MAP2K5: variants seen among roughly 807,000 people sequenced by gnomAD.
MAP2K5 encodes the protein dual specificity mitogen-activated protein kinase kinase 5.
MAP2K5 carries 49 observed loss-of-function variants against 83.1 expected under a neutral mutation model. The ratio of observed to expected loss-of-function variants is 0.59; its 90% CI spans 0.47 to 0.75. The LOEUF (loss-of-function observed/expected upper bound fraction) is 0.75, where lower values mean the gene tolerates loss of function less well. Ranked by LOEUF, MAP2K5 falls within the 30% of genes least tolerant of loss-of-function variation. MAP2K5 has a pLI of 0.00. For missense variants in MAP2K5, 457 were observed against 557.5 expected (o/e 0.82, Z 1.82); for synonymous variants, 202 against 191.8 (o/e 1.05, Z -0.44).
In MAP2K5 at chr15:67,806,730, AG is replaced by A; in HGVS notation, c.1328del (p.Ser443ThrfsTer13). The A allele has an allele frequency of 1.3e-6, 2 of 1,553,278 alleles. No individual in the cohort carries two copies. The highest frequency in any genetic ancestry group is 1.7e-6 in the Non-Finnish European group (2 of 1,149,630). ...WVCRALEERR[S>X]QQGPP is the part of the protein sequence containing the mutation. ...GTGCCGGGCGCTGGAGGAGAGGCGG[AG>A]CCAGCAGGGGCCCCCGTGAGGCTGC... is the stretch of plus-strand genomic sequence containing the variant. On this transcript the variant is annotated frameshift_variant, in exon 22 of 22. Coordinates refer to ENST00000178640, the MANE Select transcript of MAP2K5 (RefSeq NM_145160.3). LOFTEE classifies it high-confidence loss of function.
chr15:67,716,617 CT>C lies in MAP2K5; in HGVS notation c.1045-11297del, dbSNP rs773651668. The stretch of plus-strand genomic sequence containing the variant: ...TTTTTAACCTAAAGGGAGACTTTAA[CT>C]TAAAGAGAGACTTCAGAGCTTGTTA... On this transcript the variant is annotated intron_variant, in intron 16 of 21. Coordinates refer to ENST00000178640, the MANE Select transcript of MAP2K5 (RefSeq NM_145160.3). Among the ~76,000 whole-genome samples, 12 of 152,226 alleles carry C rather than the reference CT, an allele frequency of 7.9e-5. No individual in the cohort carries two copies. The East Asian group carries it at 2.1e-3, about 27-fold the overall frequency.
At chr15:67,673,301 G>A (rs1325692442) in intron 13 of MAP2K5, among the ~76,000 whole-genome samples, 1 of 152,004 alleles carries the variant, frequency 6.6e-6, no homozygotes, top group African/African-American at 2.4e-5. Flanking sequence ...TTTTAAGGAA[G>A]GAATTTTGAA....
intron 16 of MAP2K5, among the ~76,000 whole-genome samples, chr15:67,715,664 G>C (rs2088814010): frequency 6.6e-6 from 1 of 152,140 alleles, no homozygotes; most frequent in Admixed American, 6.5e-5. Context: ...GCAAAGTCTT[G>C]ATATGAAGAA....
chr15:67,680,572 C>T (rs1247375559), intron 13 of MAP2K5, among the ~76,000 whole-genome samples: 1 of 152,092 alleles, frequency 6.6e-6, no homozygotes, highest in Non-Finnish European at 1.5e-5. Context: ...TTTTATTTAC[C>T]TAAAACCACC....
Position 67,758,119 on chromosome 15 carries a change from A to G in MAP2K5, c.1134+9518A>G, listed in dbSNP as rs988519922. ...TGAAAGAGTTTTAAGCAAGAGGTCA[A>G]CGTAGCCAGATTTGTGTTTTACACT... On this transcript the variant is annotated intron_variant, in intron 19 of 21. Transcript: ENST00000178640. This position sits in a 1 kb window ranked among gnomAD's most constrained non-coding sequence, Gnocchi z 4.7. Among the ~76,000 whole-genome samples, 6 of 152,176 alleles carry G rather than the reference A, an allele frequency of 3.9e-5. No homozygotes were observed. Among genetic ancestry groups the G allele is most frequent in the East Asian group, 1.9e-4 (1 of 5,202 alleles).
At chr15:67,730,322 G>A (rs1225444797) in intron 17 of MAP2K5, among the ~76,000 whole-genome samples, 2 of 152,164 alleles carry the variant, frequency 1.3e-5, no homozygotes, top group Non-Finnish European at 1.5e-5. Flanking sequence ...CCCACGTTAT[G>A]TCATTTGAAC....
At position 67,710,415 on chromosome 15, in the gene MAP2K5, T is replaced by G. The variant is rs148261370; in HGVS notation, c.1044+7007T>G. ...AAGCAAGGACCATGGCTTAGAAAAA[T>G]GTCTCAACATAGGTAAAGAACATAG... On this transcript the variant is annotated intron_variant, in intron 16 of 21. Transcript: ENST00000178640. Among the ~76,000 whole-genome samples, 17 of 151,400 alleles carry G rather than the reference T, an allele frequency of 1.1e-4. No individual in the cohort carries two copies. The East Asian group carries it at 3.3e-3, about 29-fold the overall frequency.
chr15:67,800,439 C>T (rs1284520787), intron 21 of MAP2K5, among the ~76,000 whole-genome samples: 1 of 152,156 alleles, frequency 6.6e-6, no homozygotes, highest in East Asian at 1.9e-4. Flanking sequence ...CTCATACCTA[C>T]ACACAGCTTA....
intron 8 of MAP2K5, among the ~76,000 whole-genome samples, chr15:67,616,638 CTT>C (rs1331191227): frequency 1.3e-5 from 2 of 152,138 alleles, no homozygotes; most frequent in Non-Finnish European, 2.9e-5. Context: ...ACATTTGTAA[CTT>C]TTATTTATTT....
intron 12 of MAP2K5, chr15:67,659,435 T>C (rs1282901210): frequency 6.6e-6 from 1 of 152,230 alleles, no homozygotes; most frequent in Non-Finnish European, 1.5e-5. Context: ...TGGACACTTA[T>C]TTAGTCTTAG....
Position 67,801,450 on chromosome 15 carries a change from G to A in MAP2K5, c.1243-5196G>A, listed in dbSNP as rs2090705375. Reference sequence around the variant, plus strand: ...AGGATGTGCTTGGTGCTCACCCTGAGGCAGAGCAGTCCTGTGGTCCAGAGA... The same window carrying A: ...AGGATGTGCTTGGTGCTCACCCTGAAGCAGAGCAGTCCTGTGGTCCAGAGA... On this transcript the variant is annotated intron_variant, in intron 21 of 21. Coordinates refer to ENST00000178640, the MANE Select transcript of MAP2K5 (RefSeq NM_145160.3). This position sits in a 1 kb window ranked among gnomAD's most constrained non-coding sequence, Gnocchi z 4.8. Among the ~76,000 whole-genome samples, 1 of 152,182 alleles carries A rather than the reference G, an allele frequency of 6.6e-6. No homozygotes were observed. Among genetic ancestry groups the A allele is most frequent in the Non-Finnish European group, 1.5e-5 (1 of 68,034 alleles).
rs2089639198 is a variant in MAP2K5 at position 67,747,937 on chromosome 15, A to C, written c.1075-294A>C. Among the ~76,000 whole-genome samples the C allele has an allele frequency of 6.6e-6, 1 of 152,248 alleles. No homozygotes were observed. On this transcript the variant is annotated intron_variant, in intron 17 of 21. Transcript: ENST00000178640. The surrounding 1 kb of genome is among the most constrained non-coding windows in gnomAD (Gnocchi z 4.1). The stretch of plus-strand genomic sequence containing the variant: ...TGTTCACAATCTAGCAATATAAAAC[A>C]TTATTTATATCTGAATCGTAAACAG...
chr15:67,627,441 A>G (rs997906972), intron 8 of MAP2K5, among the ~76,000 whole-genome samples: 2 of 152,342 alleles, frequency 1.3e-5, no homozygotes, highest in Middle Eastern at 3.4e-3. Flanking sequence ...AATAAAAGTT[A>G]AGTTTACCTT....
chr15:67,733,434 G>A (rs1461338690), intron 17 of MAP2K5, among the ~76,000 whole-genome samples: 1 of 152,132 alleles, frequency 6.6e-6, no homozygotes, highest in African/African-American at 2.4e-5. Flanking sequence ...GAATAGTGAT[G>A]TTATTTGTTA....
At chr15:67,610,177 A>T (rs2085885951) in intron 8 of MAP2K5, among the ~76,000 whole-genome samples, 2 of 152,182 alleles carry the variant, frequency 1.3e-5, no homozygotes, top group Admixed American at 1.3e-4. Context: ...TGGATGTAAG[A>T]TATAAAATTA....
chr15:67,676,659 G>A lies in MAP2K5; in HGVS notation c.847+12014G>A, dbSNP rs1032743186. On this transcript the variant is annotated intron_variant, in intron 13 of 21. Transcript: ENST00000178640. This position sits in a 1 kb window ranked among gnomAD's most constrained non-coding sequence, Gnocchi z 4.8. ...ATCATTTATTGAGTACCTTGTATGT[G>A]CTACAGTGTTAGCTCTCTTGTATGT... is the stretch of plus-strand genomic sequence containing the variant. Among the ~76,000 whole-genome samples, 2 of 152,140 alleles carry A rather than the reference G, an allele frequency of 1.3e-5. No homozygotes were observed. Among genetic ancestry groups the A allele is most frequent in the African/African-American group, 4.8e-5 (2 of 41,432 alleles).
At chr15:67,737,313 GTTTTACTTATCACCA>G (rs1273429867) in intron 17 of MAP2K5, among the ~76,000 whole-genome samples, 4 of 152,174 alleles carry the variant, frequency 2.6e-5, no homozygotes, top group Non-Finnish European at 4.4e-5. Context: ...ATACTCCAGT[GTTTTACTTATCACCA>G]TTCAGTATGG....
chr15:67,658,691 A>G (rs1231037062), intron 12 of MAP2K5, 77 bp downstream of exon 12: 9 of 1,266,384 alleles, frequency 7.1e-6, no homozygotes, highest in Non-Finnish European at 8.0e-6. Flanking sequence ...TTATATTCTC[A>G]ATGTTTTTTC....
At chr15:67,634,272 G>A (rs980380638) in intron 9 of MAP2K5, among the ~76,000 whole-genome samples, 2 of 149,096 alleles carry the variant, frequency 1.3e-5, no homozygotes, top group African/African-American at 4.9e-5. Flanking sequence ...GGGAGGCTAA[G>A]GTGGGAGGAT....
Sources: gnomAD v4.1 joint callset for allele counts (sites outside exome capture counted in the v4.1 genomes callset) on GRCh38, gnomAD v4.1.1 for gene constraint, Gnocchi (gnomAD v3.1) non-coding constraint, MANE v1.5 for transcripts, NCBI Gene and HGNC (gene_info 2026-07-23, HGNC 2026-07-21) for gene names.